SGO2: variants seen among roughly 807,000 people sequenced by gnomAD.
SGO2 encodes shugoshin 2.
SGO2 carries 68 observed loss-of-function variants against 99.5 expected under a neutral mutation model. The observed-to-expected ratio is 0.68, with a 90% CI of 0.56 to 0.84. The LOEUF is 0.84. SGO2 is among the 40% of genes least tolerant of loss of function. SGO2 has a pLI of 0.00. For missense variants in SGO2, 1,350 were observed against 1,436.7 expected, an observed-to-expected ratio of 0.94 and a Z score of 0.97; for synonymous variants, 457 against 487.1, an observed-to-expected ratio of 0.94 and a Z score of 0.81.
chr2:200,547,193 T>G (rs1404613818), intron 5 of SGO2, among the ~76,000 whole-genome samples: 1 of 152,120 alleles, frequency 6.6e-6, no homozygotes, highest in Non-Finnish European at 1.5e-5. Context: ...ACAGAAACCA[T>G]GCAGGCCAGG....
intron 5 of SGO2, among the ~76,000 whole-genome samples, chr2:200,551,366 C>T (rs1391011423): frequency 6.6e-6 from 1 of 152,018 alleles, no homozygotes; most frequent in Non-Finnish European, 1.5e-5. Context: ...GTGAAATAAA[C>T]CAAGCACCAA....
chr2:200,547,247 G>A (rs6746425), intron 5 of SGO2, among the ~76,000 whole-genome samples: 120,813 of 152,062 alleles, frequency 0.79, 48,229 homozygotes, highest in Non-Finnish European at 0.83. Flanking sequence ...CAACACCAAC[G>A]ACAAAAAACT....
intron 5 of SGO2, among the ~76,000 whole-genome samples, chr2:200,545,125 G>A (rs1165282925): frequency 6.6e-6 from 1 of 152,072 alleles, no homozygotes; most frequent in Non-Finnish European, 1.5e-5. Context: ...TCTCTCCTCA[G>A]TCCCCCAAGT....
Position 200,572,529 on chromosome 2 carries a change from A to G in SGO2, c.2183A>G (p.His728Arg), listed in dbSNP as rs1329503333. 1 of 1,612,254 alleles carries G rather than the reference A, an allele frequency of 6.2e-7. No individual in the cohort carries two copies. Among genetic ancestry groups the G allele is most frequent in the Admixed American group, 1.7e-5 (1 of 59,750 alleles). ...ACAGAAATAATTTCTGAAGTGAATC[A>G]TTTAGATAATGACAAAAGTATAGAA... is the stretch of plus-strand genomic sequence containing the variant. ...RKTEIISEVNHLDNDKSIEYT... is the reference protein window; with the variant it reads ...RKTEIISEVNRLDNDKSIEYT... The change falls in exon 7 of 9, where the codon CAT becomes CGT. Residue 728 changes from histidine to arginine, a missense_variant. Transcript: ENST00000357799.
Position 200,573,736 on chromosome 2 carries a change from C to T in SGO2, c.3390C>T (p.Asp1130=), listed in dbSNP as rs769732115. ...AGAAAATGGTCAAAAATAAGCCAGA[C>T]TTTTACACAAAGGCATTTAGATCTT... ...ENEKMVKNKP[D]FYTKAFRSLS... The change falls in exon 7 of 9, where the codon GAC becomes GAT. Residue 1130 remains aspartate (D), a synonymous_variant. Coordinates refer to ENST00000357799, the MANE Select transcript of SGO2 (RefSeq NM_152524.6). The T allele has an allele frequency of 3.7e-6, 6 of 1,612,122 alleles. No homozygotes were observed. In the East Asian group the frequency reaches 1.3e-4, roughly 36 times the overall value.
At chr2:200,565,645 C>G (rs1248905103) in intron 5 of SGO2, among the ~76,000 whole-genome samples, 5 of 152,158 alleles carry the variant, frequency 3.3e-5, no homozygotes, top group East Asian at 1.9e-4. Context: ...TGGATAATAT[C>G]CGGAAGAGTG....
At chr2:200,576,469 G>A (rs1036044321) in intron 8 of SGO2, among the ~76,000 whole-genome samples, 2 of 152,000 alleles carry the variant, frequency 1.3e-5, no homozygotes, top group African/African-American at 2.4e-5. Context: ...CCAGCTGCTC[G>A]GGAGGCTGAG....
chr2:200,529,938 A>G (rs1168497644), intron 1 of SGO2, among the ~76,000 whole-genome samples: 3 of 152,216 alleles, frequency 2.0e-5, no homozygotes, highest in Non-Finnish European at 4.4e-5. Context: ...TCTAAACAGC[A>G]TTTATTCTAA....
chr2:200,547,788 A>G (rs1006470015), intron 5 of SGO2, among the ~76,000 whole-genome samples: 1 of 152,136 alleles, frequency 6.6e-6, no homozygotes, highest in Non-Finnish European at 1.5e-5. Flanking sequence ...ACACATATAG[A>G]CAAAGTGGAG....
intron 1 of SGO2, among the ~76,000 whole-genome samples, chr2:200,530,047 C>T (rs373115497): frequency 6.7e-4 from 102 of 152,128 alleles, no homozygotes; most frequent in African/African-American, 2.3e-3. Context: ...GAGGGGAATG[C>T]GATAGAGGGA....
rs1425864320 is a variant in SGO2 at position 200,570,511 on chromosome 2, G to GTGTGTGTGTGT, written c.704-539_704-538insTGTGTGTGTGT. ...GTGTGTGTGTGTGTGTGTGTGTGTG[G>GTGTGTGTGTGT]GCATATGTATATGTATATAATATAT... is the stretch of plus-strand genomic sequence containing the variant. On this transcript the variant is annotated intron_variant, in intron 6 of 8. Transcript: ENST00000357799. This position sits in a 1 kb window ranked among gnomAD's most constrained non-coding sequence, Gnocchi z 4.4. 4.5e-5 allele frequency among the ~76,000 whole-genome samples: 3 copies of GTGTGTGTGTGT among 66,552 alleles called. No homozygotes were observed. Among genetic ancestry groups the GTGTGTGTGTGT allele is most frequent in the African/African-American group, 1.5e-4 (3 of 19,648 alleles). 43.7% of individuals were successfully genotyped at this position (66,552 alleles called of 152,430 possible).
At chr2:200,583,100 T>C (rs994368300) in intron 8 of SGO2, among the ~76,000 whole-genome samples, 3 of 152,176 alleles carry the variant, frequency 2.0e-5, no homozygotes, top group Non-Finnish European at 4.4e-5. Flanking sequence ...TTTCTTAACC[T>C]GGGTGTAGGA....
At chr2:200,561,500 A>G (rs2032964804) in intron 5 of SGO2, among the ~76,000 whole-genome samples, 1 of 152,112 alleles carries the variant, frequency 6.6e-6, no homozygotes, top group South Asian at 2.1e-4. Flanking sequence ...GCTATTGTGA[A>G]TAGTGCTGCA....
At position 200,573,512 on chromosome 2, in the gene SGO2, C is replaced by T. The variant is rs181973693; in HGVS notation, c.3166C>T (p.Leu1056Phe). The T allele has an allele frequency of 1.9e-6, 3 of 1,612,298 alleles. No individual in the cohort carries two copies. Among genetic ancestry groups the T allele is most frequent in the Non-Finnish European group, 1.7e-6 (2 of 1,179,230 alleles). ...CACTACCACTTTGAATAAAAAAGAT[C>T]TCCCTTTTGTGGAAGAAATAAAAGA... ...QSTTTLNKKD[L>F]PFVEEIKEGE... Residue 1056 changes from leucine to phenylalanine, a missense_variant, in exon 7 of 9, where the codon CTC (leucine) becomes TTC (phenylalanine). Transcript: ENST00000357799.
rs2033552640 is a variant in SGO2 at position 200,573,824 on chromosome 2, G to A, written c.3478G>A (p.Val1160Ile). 2 of 1,613,104 alleles carry A rather than the reference G, an allele frequency of 1.2e-6. No homozygotes were observed. The highest frequency in any genetic ancestry group is 1.1e-5 in the South Asian group (1 of 90,990). ...SSFDSVREGLVPLSVSSGKNV... is the reference protein window; with the variant it reads ...SSFDSVREGLIPLSVSSGKNV... ...CTTTGACAGTGTTCGTGAAGGTTTA[G>A]TACCTTTGAGCGTTTCTTCTGGTAA... The change falls in exon 7 of 9, where the codon GTA becomes ATA. Residue 1160 changes from valine to isoleucine, a missense_variant. Coordinates refer to ENST00000357799, the MANE Select transcript of SGO2 (RefSeq NM_152524.6).
At chr2:200,543,853 TC>T (rs1358255430) in intron 5 of SGO2, among the ~76,000 whole-genome samples, 1 of 152,238 alleles carries the variant, frequency 6.6e-6, no homozygotes, top group Admixed American at 6.5e-5. Flanking sequence ...GTATTGTGTG[TC>T]TTTAAGTGAA....
At chr2:200,544,958 G>A (rs1026115691) in intron 5 of SGO2, among the ~76,000 whole-genome samples, 1 of 151,914 alleles carries the variant, frequency 6.6e-6, no homozygotes, top group Non-Finnish European at 1.5e-5. Flanking sequence ...CTTTTCATAT[G>A]TTTACTTTCT....
At chr2:200,545,615 A>T (rs1175881106) in intron 5 of SGO2, among the ~76,000 whole-genome samples, 2 of 152,132 alleles carry the variant, frequency 1.3e-5, no homozygotes, top group Non-Finnish European at 2.9e-5. Flanking sequence ...GCTAGTTGAG[A>T]TACTTCCCGG....
chr2:200,543,601 A>G (rs2032068010), intron 5 of SGO2: 1 of 152,234 alleles, frequency 6.6e-6, no homozygotes, highest in African/African-American at 2.4e-5. Flanking sequence ...TATCTGTGCC[A>G]TAGTAAAAAA....
Sources: gnomAD v4.1 joint callset for allele counts (sites outside exome capture counted in the v4.1 genomes callset) on GRCh38, gnomAD v4.1.1 for gene constraint, Gnocchi (gnomAD v3.1) non-coding constraint, MANE v1.5 for transcripts, NCBI Gene and HGNC (gene_info 2026-07-23, HGNC 2026-07-21) for gene names.